The following MMAB variants were observed in gnomAD, a reference collection of about 807,000 sequenced individuals.
MMAB encodes corrinoid adenosyltransferase MMAB.
A neutral mutation model predicts 30.6 loss-of-function variants in MMAB; 17 were observed. The observed-to-expected ratio is 0.56, with a 90% confidence interval of 0.38 to 0.83. The LOEUF is 0.83. Ranked by LOEUF, MMAB falls within the 40% of genes least tolerant of loss-of-function variation. MMAB has a pLI of 0.00. For synonymous variants in MMAB, 134 were observed against 138.6 expected, an observed-to-expected ratio of 0.97 and a Z score of 0.23; for missense variants, 311 against 331.6, an observed-to-expected ratio of 0.94 and a Z score of 0.48.
chr12:109,562,617 GT>G (rs1337570793), intron 4 of MMAB, among the ~76,000 whole-genome samples: 1 of 152,212 alleles, frequency 6.6e-6, no homozygotes, highest in Non-Finnish European at 1.5e-5. Context: ...GCCCTGTGAG[GT>G]TTTCTTCTTT....
At chr12:109,564,925 C>T in intron 4 of MMAB, 194 bp downstream of exon 4, 1 of 693,806 alleles carries the variant, frequency 1.4e-6, no homozygotes, top group South Asian at 1.5e-5. Flanking sequence ...GCCTCAGTCT[C>T]CCAAGTAGCT....
In MMAB at chr12:109,561,794, C is replaced by G. The variant is rs796051994; in HGVS notation, c.407G>C (p.Arg136Pro). 1 of 1,608,728 alleles carries G rather than the reference C, an allele frequency of 6.2e-7. No individual in the cohort carries two copies. ...SALATPCSSA[R>P]EAHLKYTTFK... ...TTGAGAATTACTTAAGTGAGCCTCC[C>G]GGGCCGAGGAGCATGGTGTCGCCAG... is the stretch of plus-strand genomic sequence containing the variant. The change falls in exon 5 of 9, where the codon CGG becomes CCG. Residue 136 changes from arginine (R) to proline (P), a missense_variant. Arg to Pro is a moderately radical substitution (Grantham distance 103). Coordinates refer to ENST00000545712, the MANE Select transcript of MMAB (RefSeq NM_052845.4). This position sits in a 1 kb window ranked among gnomAD's most constrained non-coding sequence, Gnocchi z 5.3.
intron 3 of MMAB, chr12:109,567,207 A>G (rs188953161): frequency 1.1e-5 from 4 of 380,156 alleles, no homozygotes; most frequent in South Asian, 6.0e-5. Flanking sequence ...AATAGCTAAC[A>G]TTATTTTTAC....
At chr12:109,560,921 C>G (rs533937375) in intron 7 of MMAB, 119 bp downstream of exon 7, 2 of 1,002,684 alleles carry the variant, frequency 2.0e-6, no homozygotes, top group African/African-American at 3.2e-5. Flanking sequence ...GCCTCCTGCC[C>G]GCTGTGCAGA....
Position 109,568,730 on chromosome 12 carries a change from G to A in MMAB, c.290+40C>T, listed in dbSNP as rs371396538. ...ACATTCATTACGTTTACTCATACTC[G>A]ACTCAAACGCAACCTCAAGGCCAAT... On this transcript the variant is annotated intron_variant, in intron 3 of 8. Transcript: ENST00000545712. The A allele has an allele frequency of 7.6e-6, 11 of 1,456,340 alleles. No homozygotes were observed. In the East Asian group the frequency reaches 9.1e-5, roughly 12 times the overall value. 90.2% of individuals were successfully genotyped at this position (1,456,340 alleles called of 1,614,324 possible).
chr12:109,571,827 C>G (rs1884641450), intron 1 of MMAB, 117 bp from the exon 2 acceptor site: 3 of 797,152 alleles, frequency 3.8e-6, no homozygotes, highest in South Asian at 2.8e-5. Context: ...TTACCCCTTA[C>G]TGCTTAGATG....
Position 109,573,450 on chromosome 12 carries a change from C to G in MMAB, c.31G>C (p.Gly11Arg). ...CGCAGGCCAAGACGGCTCCCCAGGC[C>G]AAGACGGCTCCCCAGGCCGCACACA... MAVCGLGSRL[G>R]LGSRLGLRGC... The change falls in exon 1 of 9, where the codon GGC becomes CGC. Residue 11 changes from glycine to arginine, a missense_variant. Gly to Arg is a moderately radical substitution (Grantham distance 125). Coordinates refer to ENST00000545712, the MANE Select transcript of MMAB (RefSeq NM_052845.4). 6.2e-7 allele frequency: 1 copy of G among 1,607,970 alleles called. No homozygotes were observed. The highest frequency in any genetic ancestry group is 8.5e-7 in the Non-Finnish European group (1 of 1,179,108).
At position 109,562,591 on chromosome 12, in the gene MMAB, T is replaced by C. The variant is rs1487687262; in HGVS notation, c.349-739A>G. Among the ~76,000 whole-genome samples the C allele has an allele frequency of 7.2e-5, 11 of 152,186 alleles. 1 individual carries two copies. Among genetic ancestry groups the C allele is most frequent in the Admixed American group, 7.2e-4 (11 of 15,278 alleles). Reference sequence around the variant, plus strand: ...AGGAACCGTCTGGGCTCTGTCCACGTCTCCTGTGCACCTAGGCCCTGTGAG... The same window carrying C: ...AGGAACCGTCTGGGCTCTGTCCACGCCTCCTGTGCACCTAGGCCCTGTGAG... On this transcript the variant is annotated intron_variant, in intron 4 of 8. Transcript: ENST00000545712.
intron 3 of MMAB, chr12:109,568,546 T>A: frequency 1.6e-6 from 1 of 611,034 alleles, no homozygotes; most frequent in Non-Finnish European, 2.9e-6. Context: ...TCACATGGCA[T>A]GGGCCAGAGG....
At chr12:109,562,427 A>C (rs936631610) in intron 4 of MMAB, among the ~76,000 whole-genome samples, 3 of 152,204 alleles carry the variant, frequency 2.0e-5, no homozygotes, top group Non-Finnish European at 4.4e-5. Flanking sequence ...CTTTCAGCAC[A>C]ACATCTTCGT....
intron 8 of MMAB, among the ~76,000 whole-genome samples, chr12:109,557,807 G>C (rs545013085): frequency 4.6e-5 from 7 of 152,224 alleles, no homozygotes; most frequent in African/African-American, 1.7e-4. Flanking sequence ...AGAAGCACAG[G>C]CTGGAGCACT....
chr12:109,561,374 T>C lies in MMAB; in HGVS notation c.519+46A>G, dbSNP rs1485854407. 1.3e-6 allele frequency: 2 copies of C among 1,545,478 alleles called. No individual in the cohort carries two copies. The highest frequency in any genetic ancestry group is 4.9e-5 in the East Asian group (2 of 40,888). On this transcript the variant is annotated intron_variant, in intron 6 of 8. Transcript: ENST00000545712. This position sits in a 1 kb window ranked among gnomAD's most constrained non-coding sequence, Gnocchi z 5.3. ...TTCAGAGCCCATGTGTGTCTGTCAC[T>C]GAACCTGCCTGCAGCCGCCCCCGGT... is the stretch of plus-strand genomic sequence containing the variant.
rs999654267 is a variant in MMAB at position 109,569,300 on chromosome 12, G to T, written c.197-437C>A. ...ATATACACAGAAAAGTGCTCAAATC[G>T]TAAGTGTGCAAGTTGGTGAATTACT... On this transcript the variant is annotated intron_variant, in intron 2 of 8. Coordinates refer to ENST00000545712, the MANE Select transcript of MMAB (RefSeq NM_052845.4). The surrounding 1 kb of genome is among the most constrained non-coding windows in gnomAD (Gnocchi z 4.1). 7.2e-5 allele frequency among the ~76,000 whole-genome samples: 11 copies of T among 152,068 alleles called. No individual in the cohort carries two copies. Among genetic ancestry groups the T allele is most frequent in the African/African-American group, 2.7e-4 (11 of 41,406 alleles).
chr12:109,568,458 A>G, intron 3 of MMAB: 1 of 495,852 alleles, frequency 2.0e-6, no homozygotes, highest in East Asian at 3.8e-5. Flanking sequence ...ATACTAACTC[A>G]CCTCTTTCAC....
At chr12:109,566,702 G>A (rs1383374746) in intron 3 of MMAB, among the ~76,000 whole-genome samples, 1 of 152,246 alleles carries the variant, frequency 6.6e-6, no homozygotes, top group Non-Finnish European at 1.5e-5. Context: ...AGCTCAGGAA[G>A]GCGGGGCTGA....
In MMAB at chr12:109,555,275, G is replaced by GTTTTTTCTTTTTTTTTTT; in HGVS notation, c.*1752_*1753insAAAAAAAAAAAGAAAAAA. The GTTTTTTCTTTTTTTTTTT allele has an allele frequency of 2.9e-6, 1 of 340,818 alleles. No homozygotes were observed. The highest frequency in any genetic ancestry group is 3.8e-5 in the African/African-American group (1 of 25,996). The allele number at this position is 340,818 out of a possible 1,614,324, so 21.1% of individuals were successfully genotyped here. A position where few individuals can be genotyped will look rare whatever the true frequency, so the allele number is the denominator to read the frequency against. On this transcript the variant is annotated 3_prime_UTR_variant, in exon 9 of 9. Transcript: ENST00000545712. ...GAGCCTTAGTGATTGCGTTTTCAGG[G>GTTTTTTCTTTTTTTTTTT]TTTTTTTTTTTTTTTTTTTTTTTTT...
At chr12:109,563,200 G>A (rs986348578) in intron 4 of MMAB, among the ~76,000 whole-genome samples, 8 of 152,216 alleles carry the variant, frequency 5.3e-5, no homozygotes, top group African/African-American at 1.7e-4. Context: ...GGTTGGCCAC[G>A]TGCAGCGTGT....
At chr12:109,571,542 G>T in intron 2 of MMAB, 107 bp downstream of exon 2, 2 of 1,041,666 alleles carry the variant, frequency 1.9e-6, no homozygotes, top group Non-Finnish European at 3.0e-6. Flanking sequence ...ATGAGCCACC[G>T]CGCCTGGTAT....
Position 109,554,171 on chromosome 12 carries a change from G to A in MMAB, c.*2857C>T, listed in dbSNP as rs905297943. On this transcript the variant is annotated 3_prime_UTR_variant, in exon 9 of 9. Transcript: ENST00000545712. ...CTCACATCTTGGCACTGACTCCCCA[G>A]GACAACTTGGTTCCCCACCCAATGC... is the stretch of plus-strand genomic sequence containing the variant. 2.2e-6 allele frequency: 1 copy of A among 453,306 alleles called. No homozygotes were observed. Among genetic ancestry groups the A allele is most frequent in the Non-Finnish European group, 4.4e-6 (1 of 226,202 alleles). 28.1% of individuals were successfully genotyped at this position (453,306 alleles called of 1,614,324 possible).
Sources: gnomAD v4.1 joint callset for allele counts (sites outside exome capture counted in the v4.1 genomes callset) on GRCh38, gnomAD v4.1.1 for gene constraint, Gnocchi (gnomAD v3.1) non-coding constraint, MANE v1.5 for transcripts, NCBI Gene and HGNC (gene_info 2026-07-23, HGNC 2026-07-21) for gene names.